SLC4A5: variants seen among roughly 807,000 people sequenced by gnomAD.
SLC4A5 encodes electrogenic sodium bicarbonate cotransporter 4.
Under a neutral mutation model 120.4 loss-of-function variants are expected in SLC4A5, and 96 were observed. The observed-to-expected ratio is 0.80, with a 90% CI of 0.68 to 0.94. The LOEUF (loss-of-function observed/expected upper bound fraction) is 0.94. Ranked by LOEUF, SLC4A5 falls within the 40% of genes least tolerant of loss-of-function variation. SLC4A5 has a pLI of 0.00. For missense variants in SLC4A5, 1,259 were observed against 1,459.5 expected (o/e 0.86, Z 2.24); for synonymous variants, 550 against 571.1 (o/e 0.96, Z 0.53).
intron 8 of SLC4A5, among the ~76,000 whole-genome samples, chr2:74,284,801 C>T (rs1258115781): frequency 6.6e-6 from 1 of 152,136 alleles, no homozygotes; most frequent in Non-Finnish European, 1.5e-5. Flanking sequence ...CCGTGCGGCT[C>T]CCCTCCAGTT....
chr2:74,288,638 CTT>C (rs984321188), intron 7 of SLC4A5, among the ~76,000 whole-genome samples: 4 of 152,140 alleles, frequency 2.6e-5, no homozygotes, highest in African/African-American at 9.7e-5. Context: ...CTTGTTCTCT[CTT>C]CTCTCTCCAC....
At chr2:74,251,751 T>G (rs558200063) in intron 16 of SLC4A5, among the ~76,000 whole-genome samples, 1 of 152,326 alleles carries the variant, frequency 6.6e-6, no homozygotes, top group African/African-American at 2.4e-5. Context: ...CACCAAGGAC[T>G]GCTGGCCACC....
At chr2:74,278,113 A>G (rs1017293922) in intron 8 of SLC4A5, among the ~76,000 whole-genome samples, 2 of 152,192 alleles carry the variant, frequency 1.3e-5, no homozygotes, top group Non-Finnish European at 2.9e-5. Context: ...TTTTGACATG[A>G]AGGTGGTCTG....
chr2:74,306,470 CCT>C (rs1558906088), intron 6 of SLC4A5, among the ~76,000 whole-genome samples: 1 of 152,170 alleles, frequency 6.6e-6, no homozygotes, highest in African/African-American at 2.4e-5. Flanking sequence ...GCCAGAAACC[CCT>C]CTCAGGTTTA....
rs771873381 is a variant in SLC4A5 at position 74,221,499 on chromosome 2, T to G, written c.3334A>C (p.Lys1112Gln). 9 of 1,614,032 alleles carry G rather than the reference T, an allele frequency of 5.6e-6. No homozygotes were observed. The South Asian group carries it at 9.9e-5, about 18-fold the overall frequency. Residue 1112 changes from lysine to glutamine, a missense_variant and splice_region_variant, in exon 30 of 31, where the codon AAA becomes CAA. Lys to Gln is a moderately conservative substitution (Grantham distance 53). Coordinates refer to ENST00000394019, the Ensembl canonical transcript of SLC4A5. ...GAGTAACTCCAACTGGAAGATCTTTTTCCTGGCAGGAAAATGAAAAATGTC... is the reference window on the plus strand; with the variant it reads ...GAGTAACTCCAACTGGAAGATCTTTGTCCTGGCAGGAAAATGAAAAATGTC...
chr2:74,320,497 C>G (rs1456219242), intron 5 of SLC4A5, among the ~76,000 whole-genome samples: 2 of 152,132 alleles, frequency 1.3e-5, no homozygotes, highest in Non-Finnish European at 2.9e-5. Context: ...TGAAGTCATG[C>G]TTCCAAAAGT....
intron 12 of SLC4A5, 50 bp downstream of exon 12, chr2:74,259,538 T>C: frequency 6.3e-7 from 1 of 1,598,810 alleles, no homozygotes; most frequent in Non-Finnish European, 8.6e-7. Context: ...AACCAAAGAC[T>C]TTTTCCTGCC....
chr2:74,249,691 G>T (rs1670731307), intron 17 of SLC4A5, among the ~76,000 whole-genome samples: 1 of 152,158 alleles, frequency 6.6e-6, no homozygotes, highest in Non-Finnish European at 1.5e-5. Context: ...GGAAGATAAG[G>T]GACGCAATGT....
At chr2:74,231,563 G>T (rs922225081) in intron 24 of SLC4A5, among the ~76,000 whole-genome samples, 1 of 152,222 alleles carries the variant, frequency 6.6e-6, no homozygotes, top group Non-Finnish European at 1.5e-5. Context: ...TAGCTGGGGG[G>T]CTTGAGCAGG....
chr2:74,334,040 A>G (rs1239712017), exon 4 of SLC4A5: 1 of 152,118 alleles, frequency 6.6e-6, no homozygotes, highest in Non-Finnish European at 1.5e-5. Flanking sequence ...AGTATGTGCA[A>G]TTTTTGGCTT....
intron 7 of SLC4A5, among the ~76,000 whole-genome samples, chr2:74,297,156 G>A (rs1672355088): frequency 6.6e-6 from 1 of 151,940 alleles, no homozygotes; most frequent in Admixed American, 6.5e-5. Flanking sequence ...TACCAACGAG[G>A]GCAGCCAAAT....
chr2:74,247,755 T>C (rs965286940), intron 18 of SLC4A5, among the ~76,000 whole-genome samples: 2 of 152,102 alleles, frequency 1.3e-5, no homozygotes, highest in South Asian at 2.1e-4. Flanking sequence ...CCTCAGGTGA[T>C]CCGCCCGCCC....
exon 31 of SLC4A5, chr2:74,217,969 A>G (rs1370723891): frequency 1.3e-5 from 2 of 152,304 alleles, no homozygotes; most frequent in South Asian, 2.1e-4. Context: ...ACACCCGGCT[A>G]ATTTTTTGTA....
At chr2:74,227,461 GT>G (rs1392736637) in intron 26 of SLC4A5, 5 of 1,573,810 alleles carry the variant, frequency 3.2e-6, no homozygotes, top group Admixed American at 3.7e-5. Flanking sequence ...AAACAAAAAT[GT>G]TTTCTTCTGC....
At chr2:74,297,183 T>TG (rs148705787) in intron 7 of SLC4A5, among the ~76,000 whole-genome samples, 5,829 of 152,278 alleles carry the variant, frequency 0.038, 383 homozygotes, top group African/African-American at 0.13. Flanking sequence ...AATGCCCACT[T>TG]TAGAGGAAAA....
chr2:74,233,608 T>A (rs1261286254), intron 22 of SLC4A5, 45 bp from the exon 23 acceptor site: 1 of 1,554,744 alleles, frequency 6.4e-7, no homozygotes, highest in Non-Finnish European at 8.7e-7. Context: ...CTCTCCCTTG[T>A]CCCAGGGCAC....
chr2:74,307,116 C>T (rs947614412), intron 6 of SLC4A5: 47 of 550,688 alleles, frequency 8.5e-5, no homozygotes, highest in Middle Eastern at 4.3e-4. Context: ...CTGGACTGTA[C>T]GTCTCAGTTT....
At chr2:74,320,681 TAAGA>T (rs973488367) in intron 5 of SLC4A5, among the ~76,000 whole-genome samples, 4 of 152,010 alleles carry the variant, frequency 2.6e-5, no homozygotes, top group African/African-American at 9.7e-5. Context: ...GGACTTGCAC[TAAGA>T]AAGAAATTAA....
At chr2:74,339,607 G>C (rs1256223283) in intron 2 of SLC4A5, 3 of 152,182 alleles carry the variant, frequency 2.0e-5, no homozygotes, top group African/African-American at 7.2e-5. Flanking sequence ...GGGGCTCAGG[G>C]AACTCTATGA....
Sources: gnomAD v4.1 joint callset for allele counts (sites outside exome capture counted in the v4.1 genomes callset) on GRCh38, gnomAD v4.1.1 for gene constraint, MANE v1.5 for transcripts, NCBI Gene and HGNC (gene_info 2026-07-23, HGNC 2026-07-21) for gene names.